SACS: variants seen among roughly 807,000 people sequenced by gnomAD.
SACS encodes sacsin.
In SACS, 197 loss-of-function variants were observed where a neutral mutation model predicts 348.0. That is an observed-to-expected ratio of 0.57 (90% CI 0.50 to 0.64). SACS has a LOEUF of 0.64. Among genes scored for constraint, SACS ranks in the 30% least tolerant of loss-of-function variants. The pLI is 0.00. For missense variants in SACS, 4,999 were observed against 5,360.8 expected (o/e 0.93, Z 2.11); for synonymous variants, 1,985 against 1,910.6 (o/e 1.04, Z -1.02).
Position 23,337,869 on chromosome 13 carries a change from C to A in SACS, c.6007G>T (p.Asp2003Tyr), listed in dbSNP as rs1018919461. 1 of 1,613,924 alleles carries A rather than the reference C, an allele frequency of 6.2e-7. No individual in the cohort carries two copies. Among genetic ancestry groups the A allele is most frequent in the Non-Finnish European group, 8.5e-7 (1 of 1,179,960 alleles). The change falls in exon 10 of 10, where the codon GAT becomes TAT. Residue 2003 changes from aspartate to tyrosine, a missense_variant. Asp to Tyr is a radical substitution (Grantham distance 160). This residue lies in a region of SACS where 3,156 missense variants were observed against 3,380.1 expected (regional missense o/e 0.93). Coordinates refer to ENST00000382292, the MANE Select transcript of SACS (RefSeq NM_014363.6). ...ATCTTGAAGGCTGCTGAACCAACAT[C>A]TCTTCTTTTAAGTATAGAGTCATCT... Reference protein sequence around the residue: ...FLDDSILKRRDVGSAAFKIFL... With the variant: ...FLDDSILKRRYVGSAAFKIFL...
At chr13:23,405,853 A>T (rs1873181429) in intron 2 of SACS, among the ~76,000 whole-genome samples, 1 of 152,230 alleles carries the variant, frequency 6.6e-6, no homozygotes, top group African/African-American at 2.4e-5. Flanking sequence ...GTCTCATGCC[A>T]GTTAGAATGG....
chr13:23,331,966 T>C lies in SACS; in HGVS notation c.11910A>G (p.Arg3970=), dbSNP rs745932319. 2.5e-6 allele frequency: 4 copies of C among 1,614,088 alleles called. 1 individual carries two copies. In the South Asian group the frequency reaches 4.4e-5, roughly 18 times the overall value. ...CAAGTATACTGCTCAATAATCGAGG[T>C]CTAAGTTTTTGAGGAAAGAGCATTA... ...KLIMLFPQKL[R]PRLLSSILEE... The change falls in exon 10 of 10, where the codon AGA becomes AGG. Residue 3970 remains arginine (R), a synonymous_variant. Transcript: ENST00000382292.
At position 23,337,654 on chromosome 13, in the gene SACS, AT is replaced by A. The variant is rs1057517366; in HGVS notation, c.6221del (p.Asp2074ValfsTer3). ...NIQEIEAELRDPLMIFVLNEK... is the reference protein window; with the variant it reads ...NIQEIEAELRXPLMIFVLNEK... ...CATTTAGAACAAAGATCATTAAAGG[AT>A]CTCTAAGTTCTGCTTCAATTTCTTG... is the stretch of plus-strand genomic sequence containing the variant. On this transcript the variant is annotated frameshift_variant, in exon 10 of 10. Transcript: ENST00000382292. LOFTEE classifies it high-confidence loss of function. The A allele has an allele frequency of 6.2e-7, 1 of 1,613,538 alleles. No homozygotes were observed. The highest frequency in any genetic ancestry group is 8.5e-7 in the Non-Finnish European group (1 of 1,179,836).
At chr13:23,409,331 A>T (rs1873386559) in intron 2 of SACS, among the ~76,000 whole-genome samples, 1 of 146,564 alleles carries the variant, frequency 6.8e-6, no homozygotes, top group African/African-American at 2.5e-5. Flanking sequence ...CTGGGATTAC[A>T]GGGGTGAGCC....
At chr13:23,383,603 C>T (rs1025832948) in intron 2 of SACS, among the ~76,000 whole-genome samples, 2 of 152,112 alleles carry the variant, frequency 1.3e-5, no homozygotes, top group African/African-American at 4.8e-5. Flanking sequence ...CCTGCAGCAT[C>T]TGGCTCCTCC....
At chr13:23,381,394 C>T (rs1374932333) in intron 2 of SACS, among the ~76,000 whole-genome samples, 1 of 145,192 alleles carries the variant, frequency 6.9e-6, no homozygotes, top group African/African-American at 2.5e-5. Flanking sequence ...CACACACACA[C>T]AGGCAAACAC....
chr13:23,388,896 A>T (rs1302719462), intron 2 of SACS, among the ~76,000 whole-genome samples: 2 of 152,134 alleles, frequency 1.3e-5, no homozygotes, highest in Admixed American at 1.3e-4. Context: ...AAATAAATAA[A>T]TTTAATATAG....
intron 2 of SACS, among the ~76,000 whole-genome samples, chr13:23,396,965 C>A (rs1226163625): frequency 1.3e-5 from 2 of 151,918 alleles, no homozygotes; most frequent in Non-Finnish European, 2.9e-5. Context: ...ATTTTGGCTT[C>A]TTATTATTAT....
chr13:23,333,342 C>CT lies in SACS; in HGVS notation c.10533dup (p.Glu3512ArgfsTer3), dbSNP rs761762009. On this transcript the variant is annotated frameshift_variant, in exon 10 of 10. Transcript: ENST00000382292. LOFTEE classifies it high-confidence loss of function. ...TTTTCAAAAAGTTGTTCCTTAATCT[C>CT]TGATAATTCCTCAGCACTTGATAAT... is the stretch of plus-strand genomic sequence containing the variant. 3 of 1,600,082 alleles carry CT rather than the reference C, an allele frequency of 1.9e-6. No homozygotes were observed. Among genetic ancestry groups the CT allele is most frequent in the Non-Finnish European group, 2.6e-6 (3 of 1,175,338 alleles).
chr13:23,381,355 G>GCACGCA (rs1555257424), intron 2 of SACS, among the ~76,000 whole-genome samples: 5 of 139,976 alleles, frequency 3.6e-5, no homozygotes, highest in South Asian at 2.5e-4. Flanking sequence ...GCAGCACGAA[G>GCACGCA]CACACACACA....
At chr13:23,424,268 A>G (rs932122336) in intron 1 of SACS, among the ~76,000 whole-genome samples, 20 of 152,130 alleles carry the variant, frequency 1.3e-4, no homozygotes, top group African/African-American at 4.8e-4. Context: ...GCTCACGCCT[A>G]TAATCCCAGA....
rs182578138 is a variant in SACS, at chr13:23,331,101, G to A, written c.12775C>T (p.Pro4259Ser). The A allele has an allele frequency of 3.1e-6, 5 of 1,614,078 alleles. No individual in the cohort carries two copies. In the East Asian group the frequency reaches 1.1e-4, roughly 36 times the overall value. ...TCAGTGGGGCTGGTTGGTGTAGAAG[G>A]AGCACTGTCCCTGCTTTGAGAGCTT... ...EESSQSRDSA[P>S]STPTSPTEFL... is the part of the protein sequence containing the mutation. Residue 4259 changes from proline to serine, a missense_variant, in exon 10 of 10, where the codon CCT becomes TCT. Around this residue, in one of 6 missense-constraint regions of SACS, gnomAD observed 831 missense variants for 941.8 expected, o/e 0.88. Transcript: ENST00000382292.
Position 23,354,878 on chromosome 13 carries a change from T to G in SACS, c.1734A>C (p.Ser578=). 1 of 1,614,202 alleles carries G rather than the reference T, an allele frequency of 6.2e-7. No individual in the cohort carries two copies. The highest frequency in any genetic ancestry group is 2.2e-5 in the East Asian group (1 of 44,882). Residue 578 remains serine, a synonymous_variant, in exon 8 of 10, where the codon TCA becomes TCC. Coordinates refer to ENST00000382292, the MANE Select transcript of SACS (RefSeq NM_014363.6). ...DWVRLEQVYF[S]ELDENLEYTK... is the part of the protein sequence containing the mutation. ...TGTATTCTAAATTTTCATCAAGTTC[T>G]GAGAAGTACACCTGCTCCAACCTGA... is the stretch of plus-strand genomic sequence containing the variant.
rs1555249338 is a variant in SACS, at chr13:23,330,754, CCT to C, written c.13120_13121del (p.Arg4374GlyfsTer35). On this transcript the variant is annotated frameshift_variant, in exon 10 of 10. Coordinates refer to ENST00000382292, the MANE Select transcript of SACS (RefSeq NM_014363.6). LOFTEE classifies it high-confidence loss of function. ...KQAFLDQNAD[R>X]ASRRTFSTSA... ...AGGTTGAAAATGTTCGTCTGGAGGCCCTGTCTGCATTTTGATCTAGAAAAGCC... is the reference window on the plus strand; with the variant it reads ...AGGTTGAAAATGTTCGTCTGGAGGCCGTCTGCATTTTGATCTAGAAAAGCC... The C allele has an allele frequency of 6.2e-7, 1 of 1,613,726 alleles. No homozygotes were observed. Among genetic ancestry groups the C allele is most frequent in the Non-Finnish European group, 8.5e-7 (1 of 1,179,880 alleles).
At chr13:23,366,126 G>A (rs763711612) in intron 5 of SACS, among the ~76,000 whole-genome samples, 15 of 152,032 alleles carry the variant, frequency 9.9e-5, no homozygotes, top group Non-Finnish European at 1.9e-4. Context: ...CAGAGCCTTG[G>A]GATCACTAAA....
chr13:23,338,881 A>G lies in SACS; in HGVS notation c.4995T>C (p.Asn1665=). The G allele has an allele frequency of 1.2e-6, 2 of 1,613,252 alleles. No homozygotes were observed. Among genetic ancestry groups the G allele is most frequent in the South Asian group, 1.1e-5 (1 of 90,928 alleles). ...KVSEVSSTCY[N]TADIYSLVDE... ...CCACAAGAGAATAAATATCTGCTGT[A>G]TTGTAGCACGTACTACTAACTTCAC... Residue 1665 remains asparagine, a synonymous_variant, in exon 10 of 10, where the codon AAT becomes AAC. Coordinates refer to ENST00000382292, the MANE Select transcript of SACS (RefSeq NM_014363.6).
intron 2 of SACS, among the ~76,000 whole-genome samples, chr13:23,386,816 T>C (rs890708207): frequency 1.3e-5 from 2 of 152,130 alleles, no homozygotes; most frequent in Non-Finnish European, 2.9e-5. Context: ...GGGTTACTAG[T>C]TGGCCTAATT....
chr13:23,366,250 A>T (rs939328390), intron 5 of SACS, among the ~76,000 whole-genome samples: 1 of 152,210 alleles, frequency 6.6e-6, no homozygotes, highest in Non-Finnish European at 1.5e-5. Context: ...ATGAAACAAA[A>T]TAACTACAAG....
In SACS at chr13:23,335,829, C is replaced by A. The variant is rs772195141; in HGVS notation, c.8047G>T (p.Asp2683Tyr). ...TTAAAATGGGTTCCCAGATAAAGAT[C>A]CAGAACATCTGAGAACTGTGTCCTA... The part of the protein sequence containing the change: ...DFRTQFSDVL[D>Y]LYLGTHFKLD... The change falls in exon 10 of 10, where the codon GAT becomes TAT. Residue 2683 changes from aspartate to tyrosine, a missense_variant. Physicochemically the swap from Asp to Tyr is radical, Grantham distance 160. Around this residue, in one of 6 missense-constraint regions of SACS, gnomAD observed 3,156 missense variants for 3,380.1 expected, o/e 0.93. Transcript: ENST00000382292. This position sits in a 1 kb window ranked among gnomAD's most constrained non-coding sequence, Gnocchi z 4.7. The A allele has an allele frequency of 1.2e-6, 2 of 1,613,828 alleles. No homozygotes were observed. Among genetic ancestry groups the A allele is most frequent in the African/African-American group, 2.7e-5 (2 of 74,904 alleles).
Sources: allele counts gnomAD v4.1 joint callset (sites outside exome capture counted in the v4.1 genomes callset), GRCh38; gene constraint gnomAD v4.1.1; regional missense constraint gnomAD v4.1.1; non-coding constraint Gnocchi (gnomAD v3.1); transcripts MANE v1.5; gene names NCBI Gene and HGNC (gene_info 2026-07-23, HGNC 2026-07-21).